The following TNFRSF14 variants were observed in gnomAD, a reference collection of about 807,000 sequenced individuals.
TNFRSF14 encodes TNF receptor superfamily member 14.
Under a neutral mutation model 34.1 loss-of-function variants are expected in TNFRSF14, and 18 were observed. That is an observed-to-expected ratio of 0.53 (90% CI 0.36 to 0.78). The LOEUF (loss-of-function observed/expected upper bound fraction) is 0.78. Ranked by LOEUF, TNFRSF14 falls within the 30% of genes least tolerant of loss-of-function variation. The pLI, the probability that TNFRSF14 is intolerant of heterozygous loss-of-function variation, is 0.00. For missense variants in TNFRSF14, 352 were observed against 379.5 expected (o/e 0.93, Z 0.60); for synonymous variants, 157 against 153.2 (o/e 1.02, Z -0.18).
At chr1:2,559,554 G>A (rs1162542998) in intron 3 of TNFRSF14, 1 of 1,520,054 alleles carries the variant, frequency 6.6e-7, no homozygotes, top group Non-Finnish European at 8.8e-7. Flanking sequence ...TGCCCATCTG[G>A]GCAGAAGGCT....
At chr1:2,556,835 G>A in intron 1 of TNFRSF14, 102 bp downstream of exon 1, 1 of 1,263,324 alleles carries the variant, frequency 7.9e-7, no homozygotes, top group Non-Finnish European at 1.1e-6. Flanking sequence ...GCCGTTGCTG[G>A]CTCCGGCGTC....
At chr1:2,556,927 A>AGCC (rs1380205417) in intron 1 of TNFRSF14, 194 bp downstream of exon 1, 2 of 567,700 alleles carry the variant, frequency 3.5e-6, no homozygotes, top group Non-Finnish European at 3.1e-6. Flanking sequence ...TGAGCAGCAG[A>AGCC]GCCACAGCCC....
chr1:2,561,446 C>T lies in TNFRSF14; in HGVS notation c.552-227C>T, dbSNP rs1407052266. The T allele has an allele frequency of 2.4e-5, 35 of 1,473,700 alleles. No individual in the cohort carries two copies. The highest frequency in any genetic ancestry group is 3.1e-5 in the Non-Finnish European group (34 of 1,105,460). 91.3% of individuals were successfully genotyped at this position (1,473,700 alleles called of 1,614,324 possible). On this transcript the variant is annotated intron_variant, in intron 5 of 7. Transcript: ENST00000355716. This position sits in a 1 kb window ranked among gnomAD's most constrained non-coding sequence, Gnocchi z 6.0. ...TGCCGTCCTGTCTCCTTTGCCCAGT[C>T]TCTCCTTGTTTCTCTTCTCCTCCTT...
Position 2,561,533 on chromosome 1 carries a change from C to T in TNFRSF14, c.552-140C>T, listed in dbSNP as rs587778000. On this transcript the variant is annotated intron_variant, in intron 5 of 7. Coordinates refer to ENST00000355716, the MANE Select transcript of TNFRSF14 (RefSeq NM_003820.4). The surrounding 1 kb of genome is among the most constrained non-coding windows in gnomAD (Gnocchi z 6.0). ...GTCAGACAGACCTCTGAGGTCTCAT[C>T]CTGGAGCTGCCACCAGCCCAGCCTC... 7 of 1,559,438 alleles carry T rather than the reference C, an allele frequency of 4.5e-6. No individual in the cohort carries two copies. The highest frequency in any genetic ancestry group is 6.1e-6 in the Non-Finnish European group (7 of 1,151,442).
upstream of TNFRSF14, chr1:2,554,658 G>C (rs1644188399): frequency 6.6e-6 from 1 of 152,340 alleles, no homozygotes; most frequent in African/African-American, 2.4e-5. This position sits in a 1 kb window ranked among gnomAD's most constrained non-coding sequence, Gnocchi z 4.2. Flanking sequence ...GCCTTGGTGT[G>C]GGAGCTGAAG....
Position 2,556,582 on chromosome 1 carries a change from C to T in TNFRSF14, c.-83C>T, listed in dbSNP as rs762021804. On this transcript the variant is annotated 5_prime_UTR_variant, in exon 1 of 8. Coordinates refer to ENST00000355716, the MANE Select transcript of TNFRSF14 (RefSeq NM_003820.4). ...CTCTTTCTCTTTCTCTTCTGGCCCACAGCCGCAGCAATGGCGCTGAGTTCC... is the reference window on the plus strand; with the variant it reads ...CTCTTTCTCTTTCTCTTCTGGCCCATAGCCGCAGCAATGGCGCTGAGTTCC... 1 of 1,346,956 alleles carries T rather than the reference C, an allele frequency of 7.4e-7. No individual in the cohort carries two copies. Among genetic ancestry groups the T allele is most frequent in the East Asian group, 2.4e-5 (1 of 40,988 alleles). The allele number at this position is 1,346,956 out of a possible 1,614,324, so 83.4% of individuals were successfully genotyped here. A position where few individuals can be genotyped will look rare whatever the true frequency, so the allele number is the denominator to read the frequency against.
At chr1:2,559,386 A>T (rs541085854) in intron 3 of TNFRSF14, 1 of 1,377,724 alleles carries the variant, frequency 7.3e-7, no homozygotes, top group South Asian at 1.2e-5. Context: ...CAGTACCTGA[A>T]GAAGTGGGGC....
At chr1:2,554,925 C>CA (rs1644192005), upstream of TNFRSF14, 1 of 152,186 alleles carries the variant, frequency 6.6e-6, no homozygotes, top group Admixed American at 6.5e-5. The surrounding 1 kb of genome is among the most constrained non-coding windows in gnomAD (Gnocchi z 4.2). Context: ...CTGGAGCCCC[C>CA]ATGCCCTCCT....
rs1166811931 is a variant in TNFRSF14, at chr1:2,559,533, G to A, written c.305-290G>A. 6 of 1,502,150 alleles carry A rather than the reference G, an allele frequency of 4.0e-6. No individual in the cohort carries two copies. The Admixed American group carries it at 1.2e-4, about 30-fold the overall frequency. The allele number at this position is 1,502,150 out of a possible 1,614,324, so 93.1% of individuals were successfully genotyped here. ...CCCTGCCCTGGAACTGACAGTGCAA[G>A]CTCGGCGTCCTGCCCATCTGGGCAG... On this transcript the variant is annotated intron_variant, in intron 3 of 7. Transcript: ENST00000355716.
upstream of TNFRSF14, among the ~76,000 whole-genome samples, chr1:2,554,494 G>T (rs1644185972): frequency 6.6e-6 from 1 of 152,146 alleles, no homozygotes; most frequent in South Asian, 2.1e-4. The surrounding 1 kb of genome is among the most constrained non-coding windows in gnomAD (Gnocchi z 4.2). Context: ...GGAGCAGGGA[G>T]CGGGGACAGG....
rs147429125 is a variant in TNFRSF14 at position 2,557,545 on chromosome 1, C to T, written c.70-181C>T. 8.2e-4 allele frequency among the ~76,000 whole-genome samples: 125 copies of T among 152,274 alleles called. 2 individuals carry two copies. The highest frequency in any genetic ancestry group is 6.1e-3 in the Admixed American group (94 of 15,304). ...AGGAGGGGCGGTCCCCACCCTATCC[C>T]GGGCTCCAGCGGTCGGCAAGGTTGT... On this transcript the variant is annotated intron_variant, in intron 1 of 7. Transcript: ENST00000355716.
In TNFRSF14 at chr1:2,558,481, C is replaced by T. The variant is rs751414801; in HGVS notation, c.304+13C>T. 19 of 1,612,312 alleles carry T rather than the reference C, an allele frequency of 1.2e-5. No individual in the cohort carries two copies. The East Asian group carries it at 3.8e-4, about 32-fold the overall frequency. On this transcript the variant is annotated intron_variant, in intron 3 of 7. Transcript: ENST00000355716. ...ATGTGTGACCCAGGTAAGAGGCCAGCACAGCCGGCCCAGCCTCCGCTTGGG... is the reference window on the plus strand; with the variant it reads ...ATGTGTGACCCAGGTAAGAGGCCAGTACAGCCGGCCCAGCCTCCGCTTGGG...
chr1:2,556,983 G>A (rs1180254222), intron 1 of TNFRSF14: 8 of 461,006 alleles, frequency 1.7e-5, no homozygotes, highest in Middle Eastern at 5.6e-4. Context: ...TCACCACTCC[G>A]TCCACGGGCA....
At position 2,561,111 on chromosome 1, in the gene TNFRSF14, C is replaced by A. The variant is rs530195664; in HGVS notation, c.551+397C>A. On this transcript the variant is annotated intron_variant, in intron 5 of 7. Coordinates refer to ENST00000355716, the MANE Select transcript of TNFRSF14 (RefSeq NM_003820.4). The surrounding 1 kb of genome is among the most constrained non-coding windows in gnomAD (Gnocchi z 6.0). Reference sequence around the variant, plus strand: ...CTCTTTGTCCACCTTCGGGAGGACACCTTCAAATGCTGACCCTGGGCCCCT... The same window carrying A: ...CTCTTTGTCCACCTTCGGGAGGACAACTTCAAATGCTGACCCTGGGCCCCT... The A allele has an allele frequency of 2.4e-4, 77 of 325,094 alleles. No individual in the cohort carries two copies. Among genetic ancestry groups the A allele is most frequent in the African/African-American group, 1.5e-3 (71 of 47,578 alleles). 20.1% of individuals were successfully genotyped at this position (325,094 alleles called of 1,614,324 possible).
chr1:2,557,007 C>T, intron 1 of TNFRSF14: 1 of 448,204 alleles, frequency 2.2e-6, no homozygotes, highest in African/African-American at 2.0e-5. Flanking sequence ...GGTGAGCCCC[C>T]ATTTGGCCGG....
In TNFRSF14 at chr1:2,556,407, C is replaced by T; in HGVS notation, c.-258C>T. ...TCCCCTCGGCTTTGCCTGGACAGCT[C>T]CTGCCTCCCGCAGGGCCCACCTGTG... On this transcript the variant is annotated 5_prime_UTR_variant, in exon 1 of 8. Transcript: ENST00000355716. 1.5e-6 allele frequency: 1 copy of T among 686,518 alleles called. No homozygotes were observed. The highest frequency in any genetic ancestry group is 2.7e-6 in the Non-Finnish European group (1 of 375,134). The allele number at this position is 686,518 out of a possible 1,614,324, so 42.5% of individuals were successfully genotyped here. A position where few individuals can be genotyped will look rare whatever the true frequency, so the allele number is the denominator to read the frequency against.
chr1:2,558,219 T>C, intron 2 of TNFRSF14, 124 bp from the exon 3 acceptor site: 1 of 1,395,338 alleles, frequency 7.2e-7, no homozygotes, highest in Non-Finnish European at 9.5e-7. Context: ...GTGGGGCTCA[T>C]GGGCCATTTG....
chr1:2,559,051 C>T (rs1304595056), intron 3 of TNFRSF14: 2 of 1,369,314 alleles, frequency 1.5e-6, no homozygotes, highest in Non-Finnish European at 1.9e-6. Context: ...TCATGCCAGG[C>T]TCAGCATGGC....
rs538377825 is a variant in TNFRSF14, at chr1:2,556,586, C to T, written c.-79C>T. ...TTCTCTTTCTCTTCTGGCCCACAGC[C>T]GCAGCAATGGCGCTGAGTTCCTCTG... is the stretch of plus-strand genomic sequence containing the variant. On this transcript the variant is annotated 5_prime_UTR_variant, in exon 1 of 8. Transcript: ENST00000355716. 277 of 1,365,092 alleles carry T rather than the reference C, an allele frequency of 2.0e-4. No homozygotes were observed. The highest frequency in any genetic ancestry group is 2.5e-4 in the Admixed American group (13 of 52,222). The allele number at this position is 1,365,092 out of a possible 1,614,324, so 84.6% of individuals were successfully genotyped here. A position where few individuals can be genotyped will look rare whatever the true frequency, so the allele number is the denominator to read the frequency against.
Sources: gnomAD v4.1 joint callset for allele counts (sites outside exome capture counted in the v4.1 genomes callset) on GRCh38, gnomAD v4.1.1 for gene constraint, Gnocchi (gnomAD v3.1) non-coding constraint, MANE v1.5 for transcripts, NCBI Gene and HGNC (gene_info 2026-07-23, HGNC 2026-07-21) for gene names.